GALNT13: variants seen among roughly 807,000 people sequenced by gnomAD.
GALNT13 encodes the protein UDP-GalNAc:polypeptide N-acetylgalactosaminyltransferase 13.
Under a neutral mutation model 64.2 loss-of-function variants are expected in GALNT13, and 28 were observed. The ratio of observed to expected loss-of-function variants is 0.44; its 90% CI spans 0.32 to 0.60. GALNT13 has a LOEUF of 0.60. GALNT13 is among the 20% of genes least tolerant of loss of function. The pLI, the probability that GALNT13 is intolerant of heterozygous loss-of-function variation, is 0.05. For missense variants in GALNT13, 577 were observed against 669.8 expected (o/e 0.86, Z 1.53); for synonymous variants, 214 against 224.6 (o/e 0.95, Z 0.42).
intron 4 of GALNT13, among the ~76,000 whole-genome samples, chr2:154,177,467 A>G (rs894301487): frequency 6.6e-6 from 1 of 152,178 alleles, no homozygotes; most frequent in African/African-American, 2.4e-5. Context: ...TTGTGATACT[A>G]CAATGGTGGA....
intron 11 of GALNT13, among the ~76,000 whole-genome samples, chr2:154,423,432 T>C (rs985351732): frequency 3.3e-5 from 5 of 152,170 alleles, no homozygotes; most frequent in African/African-American, 1.2e-4. Context: ...TACCCAGTAA[T>C]GGGATTGCTG....
the GALNT13 span, among the ~76,000 whole-genome samples, chr2:153,443,489 C>A: frequency 6.6e-6 from 1 of 152,228 alleles, no homozygotes; most frequent in African/African-American, 2.4e-5. Context: ...TGCTCTCCAG[C>A]CATCTTGGAC....
chr2:154,116,777 G>A (rs1409947788), intron 3 of GALNT13, among the ~76,000 whole-genome samples: 2 of 152,074 alleles, frequency 1.3e-5, no homozygotes, highest in Non-Finnish European at 2.9e-5. Context: ...GTCAACTTCA[G>A]AAACCCCCGA....
the GALNT13 span, among the ~76,000 whole-genome samples, chr2:153,526,400 ACT>A: frequency 0.01 from 1,595 of 152,100 alleles, 29 homozygotes; most frequent in African/African-American, 0.036. Flanking sequence ...AGAGAACAAG[ACT>A]CTCTGCCTGG....
At chr2:154,198,040 A>G (rs886433490) in intron 4 of GALNT13, among the ~76,000 whole-genome samples, 1 of 152,140 alleles carries the variant, frequency 6.6e-6, no homozygotes, top group African/African-American at 2.4e-5. Flanking sequence ...AAATCAATAG[A>G]TATTCCCAGA....
the GALNT13 span, among the ~76,000 whole-genome samples, chr2:153,819,566 G>T: frequency 1.3e-5 from 2 of 152,186 alleles, no homozygotes; most frequent in Non-Finnish European, 2.9e-5. Flanking sequence ...GCTCTGCCCA[G>T]CTCTGTCCCC....
At chr2:153,588,431 C>A in the GALNT13 span, among the ~76,000 whole-genome samples, 6 of 152,178 alleles carry the variant, frequency 3.9e-5, no homozygotes, top group Non-Finnish European at 8.8e-5. Context: ...TTCCCAAACC[C>A]CAATTTTTAA....
the GALNT13 span, among the ~76,000 whole-genome samples, chr2:153,424,299 A>G: frequency 6.6e-6 from 1 of 151,592 alleles, no homozygotes; most frequent in Non-Finnish European, 1.5e-5. Flanking sequence ...TAATATTTAA[A>G]AAATTTTGCT....
intron 9 of GALNT13, among the ~76,000 whole-genome samples, chr2:154,306,610 T>G (rs1693744447): frequency 2.8e-5 from 1 of 35,670 alleles, no homozygotes; most frequent in Non-Finnish European, 8.2e-5. Context: ...TTTTTAAGGA[T>G]AATTTGGTGG....
intron 3 of GALNT13, among the ~76,000 whole-genome samples, chr2:154,071,397 A>G (rs1700734236): frequency 6.6e-6 from 1 of 152,200 alleles, no homozygotes; most frequent in African/African-American, 2.4e-5. Flanking sequence ...ATCCTAATAT[A>G]GGGTCACATG....
At chr2:153,832,001 T>C in the GALNT13 span, among the ~76,000 whole-genome samples, 1 of 152,326 alleles carries the variant, frequency 6.6e-6, no homozygotes, top group East Asian at 1.9e-4. Flanking sequence ...AAGGAAAACT[T>C]TTAATTCCAT....
chr2:154,328,537 C>A (rs938612387), intron 9 of GALNT13, among the ~76,000 whole-genome samples: 3 of 152,112 alleles, frequency 2.0e-5, no homozygotes, highest in African/African-American at 2.4e-5. Context: ...CAGAGATTCT[C>A]TGGGGCTTGG....
chr2:153,308,885 G>A, the GALNT13 span, among the ~76,000 whole-genome samples: 43 of 151,936 alleles, frequency 2.8e-4, 1 homozygote, highest in Admixed American at 5.9e-4. Context: ...GGCAGAAAAT[G>A]GTACATAGAA....
intron 9 of GALNT13, among the ~76,000 whole-genome samples, chr2:154,377,766 C>A (rs12617950): frequency 0.6 from 91,690 of 151,920 alleles, 28,344 homozygotes; most frequent in Admixed American, 0.67. Context: ...CATTGTACTT[C>A]CCTTCTAGTA....
the GALNT13 span, among the ~76,000 whole-genome samples, chr2:153,440,646 T>C: frequency 6.6e-6 from 1 of 152,122 alleles, no homozygotes; most frequent in Non-Finnish European, 1.5e-5. Flanking sequence ...CGCCATTCTA[T>C]CTGGCATGAG....
chr2:153,464,952 T>C, the GALNT13 span, among the ~76,000 whole-genome samples: 1 of 152,152 alleles, frequency 6.6e-6, no homozygotes, highest in South Asian at 2.1e-4. Context: ...TCTAAAGTTC[T>C]TATGCCAGGG....
the GALNT13 span, among the ~76,000 whole-genome samples, chr2:153,325,228 A>T: frequency 2.9e-5 from 4 of 139,618 alleles, no homozygotes; most frequent in Admixed American, 7.8e-5. Context: ...TAGTCTTGGG[A>T]GGTGTATGTG....
At chr2:153,284,627 T>G in the GALNT13 span, among the ~76,000 whole-genome samples, 1 of 152,154 alleles carries the variant, frequency 6.6e-6, no homozygotes, top group African/African-American at 2.4e-5. Context: ...CTGGGTTGCT[T>G]GGATCCCCAG....
the GALNT13 span, among the ~76,000 whole-genome samples, chr2:153,365,052 C>A: frequency 4.6e-5 from 7 of 152,122 alleles, no homozygotes; most frequent in South Asian, 1.4e-3. Context: ...ACATATAGAT[C>A]AATGGAACAG....
Sources: allele counts gnomAD v4.1 joint callset (sites outside exome capture counted in the v4.1 genomes callset), GRCh38; gene constraint gnomAD v4.1.1; transcripts MANE v1.5; gene names NCBI Gene and HGNC (gene_info 2026-07-23, HGNC 2026-07-21).